FN1: variants seen among roughly 807,000 people sequenced by gnomAD.
The protein encoded by FN1 is fibronectin.
FN1 carries 106 observed loss-of-function variants against 297.3 expected under a neutral mutation model. The ratio of observed to expected loss-of-function variants is 0.36; its 90% CI spans 0.30 to 0.42. The LOEUF is 0.42. Ranked by LOEUF, FN1 falls within the 10% of genes least tolerant of loss-of-function variation. FN1 has a pLI of 1.00. For missense variants in FN1, 2,690 were observed against 3,124.9 expected (o/e 0.86, Z 3.32); for synonymous variants, 1,149 against 1,152.6 (o/e 1.00, Z 0.06).
chr2:215,420,770 A>G lies in FN1; in HGVS notation c.1578T>C (p.Asn526=). The G allele has an allele frequency of 6.2e-7, 1 of 1,614,080 alleles. No individual in the cohort carries two copies. The highest frequency in any genetic ancestry group is 8.5e-7 in the Non-Finnish European group (1 of 1,179,928). Reference sequence around the variant, plus strand: ...GACGCTTGTGGAATGTGTCGTTCACATTGTAAGTGATGTCATCAACAATGC... The same window carrying G: ...GACGCTTGTGGAATGTGTCGTTCACGTTGTAAGTGATGTCATCAACAATGC... ...DQCIVDDITY[N]VNDTFHKRHE... Residue 526 remains asparagine (N), a synonymous_variant, in exon 11 of 46, where the codon AAT becomes AAC. Coordinates refer to ENST00000354785, the MANE Select transcript of FN1 (RefSeq NM_212482.4).
intron 42 of FN1, among the ~76,000 whole-genome samples, chr2:215,367,514 G>C (rs1357654600): frequency 3.3e-5 from 5 of 152,150 alleles, no homozygotes; most frequent in Non-Finnish European, 5.9e-5. Flanking sequence ...GATTAAAAGA[G>C]ATTTGAGGTT....
At chr2:215,411,137 T>C (rs987670346) in intron 13 of FN1, among the ~76,000 whole-genome samples, 14 of 152,156 alleles carry the variant, frequency 9.2e-5, no homozygotes, top group South Asian at 2.1e-4. Context: ...AAAAATGCAA[T>C]TTTGGTTTAT....
chr2:215,397,780 A>G lies in FN1; in HGVS notation c.3417T>C (p.Val1139=). ...CTACTCCTGGAGTCAAGCCGGACACAACGATGCTTCCTGAGTCTGAAGTCA... is the reference window on the plus strand; with the variant it reads ...CTACTCCTGGAGTCAAGCCGGACACGACGATGCTTCCTGAGTCTGAAGTCA... The part of the protein sequence containing the change: ...REVTSDSGSI[V]VSGLTPGVEY... Residue 1139 remains valine, a synonymous_variant, in exon 22 of 46, where the codon GTT becomes GTC. Transcript: ENST00000354785. 6.2e-7 allele frequency: 1 copy of G among 1,614,144 alleles called. No homozygotes were observed.
intron 24 of FN1, chr2:215,393,473 G>C: frequency 6.2e-6 from 1 of 162,514 alleles, no homozygotes; most frequent in Non-Finnish European, 1.3e-5. Context: ...CATCCTTAAA[G>C]GGTACAATTT....
At chr2:215,421,674 T>A (rs933794663) in intron 10 of FN1, among the ~76,000 whole-genome samples, 28 of 152,230 alleles carry the variant, frequency 1.8e-4, no homozygotes, top group African/African-American at 6.8e-4. Flanking sequence ...GGAAAGTTAG[T>A]CCCCTATGTA....
chr2:215,383,577 T>A, intron 30 of FN1, 94 bp from the exon 31 acceptor site: 1 of 1,306,952 alleles, frequency 7.7e-7, no homozygotes, highest in South Asian at 1.2e-5. Flanking sequence ...CATATTCGAA[T>A]GATCGCTTAC....
At chr2:215,385,865 C>T (rs1575427216) in intron 28 of FN1, among the ~76,000 whole-genome samples, 1 of 150,968 alleles carries the variant, frequency 6.6e-6, no homozygotes, top group East Asian at 2.0e-4. Context: ...GCAACCTCCG[C>T]CTCCTGGGTT....
At chr2:215,407,791 G>A (rs17457029) in intron 17 of FN1, among the ~76,000 whole-genome samples, 29,882 of 151,876 alleles carry the variant, frequency 0.2, 3,251 homozygotes, top group Non-Finnish European at 0.24. Flanking sequence ...TTAGAGCAAC[G>A]TTTTCAGGAA....
intron 20 of FN1, among the ~76,000 whole-genome samples, chr2:215,403,373 T>C (rs992348738): frequency 2.6e-5 from 4 of 152,226 alleles, no homozygotes; most frequent in Non-Finnish European, 5.9e-5. Context: ...TCCATAGTTA[T>C]TTACAAACTA....
At chr2:215,367,000 G>A (rs75737990) in intron 42 of FN1, among the ~76,000 whole-genome samples, 10,893 of 152,194 alleles carry the variant, frequency 0.072, 415 homozygotes, top group Middle Eastern at 0.088. Flanking sequence ...TGGATTAAAT[G>A]ATTTCAAGTA....
intron 20 of FN1, 90 bp downstream of exon 20, chr2:215,404,299 G>GTTTTTTTTTTTTTTT: frequency 9.3e-7 from 1 of 1,080,212 alleles, no homozygotes; most frequent in Non-Finnish European, 1.4e-6. Context: ...ATTTTTTAAT[G>GTTTTTTTTTTTTTTT]TTTTTTTTGT....
At chr2:215,383,225 C>T in intron 31 of FN1, 103 bp downstream of exon 31, 1 of 1,179,740 alleles carries the variant, frequency 8.5e-7, no homozygotes, top group South Asian at 1.2e-5. Context: ...CCAGGCTGGT[C>T]TCGAACTCCT....
intron 37 of FN1, 30 bp downstream of exon 37, chr2:215,375,599 T>C (rs768037734): frequency 2.0e-6 from 3 of 1,484,532 alleles, no homozygotes; most frequent in South Asian, 2.3e-5. Flanking sequence ...TACAAGTCAA[T>C]GGCATTTCCT....
In FN1 at chr2:215,382,339, G is replaced by A. The variant is rs754459016; in HGVS notation, c.5051-14C>T. 2 of 1,550,040 alleles carry A rather than the reference G, an allele frequency of 1.3e-6. No homozygotes were observed. The highest frequency in any genetic ancestry group is 1.8e-6 in the Non-Finnish European group (2 of 1,121,742). On this transcript the variant is annotated splice_polypyrimidine_tract_variant and intron_variant, in intron 31 of 45. Transcript: ENST00000354785. ...TTTCTGTTTGATCTGCAAAGGGAGT[G>A]AAAAGCAAATGCAACATCCACGTCA... is the stretch of plus-strand genomic sequence containing the variant.
At chr2:215,373,182 AATAT>A in intron 39 of FN1, 136 bp downstream of exon 39, 1 of 683,492 alleles carries the variant, frequency 1.5e-6, no homozygotes, top group South Asian at 1.5e-5. Context: ...TAAAGAATAC[AATAT>A]ATACACTATG....
Position 215,406,395 on chromosome 2 carries a change from G to C in FN1, c.2829C>G (p.Pro943=), listed in dbSNP as rs112901124. Residue 943 remains proline, a synonymous_variant, in exon 19 of 46, where the codon CCC becomes CCG. Coordinates refer to ENST00000354785, the MANE Select transcript of FN1 (RefSeq NM_212482.4). ...AVTGYRVDVI[P]VNLPGEHGQR... is the part of the protein sequence containing the mutation. ...GCCCGTGCTCGCCAGGCAGGTTGAC[G>C]GGGATCACATCCACACGGTAGCCGG... 1 of 1,614,152 alleles carries C rather than the reference G, an allele frequency of 6.2e-7. No individual in the cohort carries two copies. Among genetic ancestry groups the C allele is most frequent in the South Asian group, 1.1e-5 (1 of 91,080 alleles).
At chr2:215,431,241 CAAAG>C (rs1157732550) in intron 4 of FN1, among the ~76,000 whole-genome samples, 3 of 151,970 alleles carry the variant, frequency 2.0e-5, no homozygotes, top group African/African-American at 7.3e-5. Flanking sequence ...AATACAATGA[CAAAG>C]AAAGCTATTT....
At chr2:215,372,481 A>T in intron 39 of FN1, 106 bp from the exon 40 acceptor site, 1 of 848,186 alleles carries the variant, frequency 1.2e-6, no homozygotes, top group Non-Finnish European at 2.0e-6. Context: ...CATCAATTTG[A>T]TAAAAGCCAC....
At chr2:215,368,911 T>G (rs897137922) in intron 41 of FN1, among the ~76,000 whole-genome samples, 1 of 152,208 alleles carries the variant, frequency 6.6e-6, no homozygotes, top group Non-Finnish European at 1.5e-5. Flanking sequence ...CTAATTTGAC[T>G]TAAAATCCCA....
Sources: gnomAD v4.1 joint callset for allele counts (sites outside exome capture counted in the v4.1 genomes callset) on GRCh38, gnomAD v4.1.1 for gene constraint, MANE v1.5 for transcripts, NCBI Gene and HGNC (gene_info 2026-07-23, HGNC 2026-07-21) for gene names.